ERBB4: variants seen among roughly 807,000 people sequenced by gnomAD.
The protein encoded by ERBB4 is erb-b2 receptor tyrosine kinase 4.
In ERBB4, 42 loss-of-function variants were observed where a neutral mutation model predicts 158.0. That is an observed-to-expected ratio of 0.27 (90% confidence interval 0.21 to 0.34). The LOEUF (loss-of-function observed/expected upper bound fraction) is 0.34, where lower values mean the gene tolerates loss of function less well. Ranked by LOEUF, ERBB4 falls within the 10% of genes least tolerant of loss-of-function variation. The probability of loss-of-function intolerance (pLI) is 1.00; values close to 1 mark genes in which losing one functional copy is unlikely to be tolerated. For missense variants in ERBB4, 1,333 were observed against 1,624.1 expected (o/e 0.82, Z 3.08); for synonymous variants, 583 against 558.7 (o/e 1.04, Z -0.61).
intron 1 of ERBB4, among the ~76,000 whole-genome samples, chr2:212,226,124 A>T (rs2083459637): frequency 6.6e-6 from 1 of 152,132 alleles, no homozygotes; most frequent in African/African-American, 2.4e-5. Flanking sequence ...TCATGTTGTC[A>T]ACTGTCTACG....
chr2:211,853,358 G>A (rs1278810099), intron 3 of ERBB4, among the ~76,000 whole-genome samples: 1 of 151,948 alleles, frequency 6.6e-6, no homozygotes, highest in Non-Finnish European at 1.5e-5. Flanking sequence ...AGGTCAAAAC[G>A]TTTATTCCAA....
Position 211,428,472 on chromosome 2 carries a change from T to C in ERBB4, c.2655A>G (p.Lys885=). The part of the protein sequence containing the change: ...YNADGGKMPI[K]WMALECIHYR... ...AATGTATACACTCCAGAGCCATCCA[T>C]TTAATTGGCATCTATAGAGAAGTAA... Residue 885 remains lysine (K), a synonymous_variant, in exon 22 of 28, where the codon AAA becomes AAG. Coordinates refer to ENST00000342788, the MANE Select transcript of ERBB4 (RefSeq NM_005235.3). 1 of 1,559,378 alleles carries C rather than the reference T, an allele frequency of 6.4e-7. No individual in the cohort carries two copies. Among genetic ancestry groups the C allele is most frequent in the African/African-American group, 1.4e-5 (1 of 73,950 alleles).
chr2:211,395,775 A>G (rs571459032), intron 25 of ERBB4, among the ~76,000 whole-genome samples: 5 of 152,186 alleles, frequency 3.3e-5, no homozygotes, highest in Non-Finnish European at 7.4e-5. Context: ...CTTCACAGAG[A>G]AGAGATATGT....
chr2:211,705,810 T>C (rs1243245948), intron 9 of ERBB4, among the ~76,000 whole-genome samples: 1 of 152,194 alleles, frequency 6.6e-6, no homozygotes, highest in Non-Finnish European at 1.5e-5. Context: ...ACATTGCTAT[T>C]AGTACCTGGA....
At position 211,546,372 on chromosome 2, in the gene ERBB4, ATTTTG is replaced by A. The variant is rs1324905015; in HGVS notation, c.2487+15526_2487+15530del. Among the ~76,000 whole-genome samples the A allele has an allele frequency of 1.3e-4, 20 of 152,208 alleles. No individual in the cohort carries two copies. The South Asian group carries it at 1.7e-3, about 13-fold the overall frequency. On this transcript the variant is annotated intron_variant, in intron 20 of 27. Coordinates refer to ENST00000342788, the MANE Select transcript of ERBB4 (RefSeq NM_005235.3). ...ACACATATACACACATATAGTATATATTTTGTTTTATCACATGATACTAATAAGAA... is the reference window on the plus strand; with the variant it reads ...ACACATATACACACATATAGTATATATTTTATCACATGATACTAATAAGAA...
intron 20 of ERBB4, among the ~76,000 whole-genome samples, chr2:211,475,199 T>C (rs1309342945): frequency 6.6e-6 from 1 of 152,122 alleles, no homozygotes; most frequent in African/African-American, 2.4e-5. Flanking sequence ...ATAAATGTTG[T>C]AGTTAATTTA....
intron 17 of ERBB4, among the ~76,000 whole-genome samples, chr2:211,625,579 T>A (rs988795791): frequency 6.6e-6 from 1 of 152,210 alleles, no homozygotes; most frequent in South Asian, 2.1e-4. Context: ...TTTGATAACA[T>A]AGAACTGCAT....
chr2:212,409,103 T>A (rs1399178796), intron 1 of ERBB4, among the ~76,000 whole-genome samples: 1 of 152,166 alleles, frequency 6.6e-6, no homozygotes, highest in Non-Finnish European at 1.5e-5. Context: ...AGGCAGAATT[T>A]TACTTCATTT....
At chr2:211,581,692 CT>C (rs2068109315) in intron 19 of ERBB4, among the ~76,000 whole-genome samples, 1 of 152,100 alleles carries the variant, frequency 6.6e-6, no homozygotes, top group African/African-American at 2.4e-5. Flanking sequence ...CACTTCACCC[CT>C]ATGGCCTCAT....
intron 16 of ERBB4, among the ~76,000 whole-genome samples, chr2:211,647,821 C>T (rs973795800): frequency 6.6e-6 from 1 of 151,664 alleles, no homozygotes; most frequent in African/African-American, 2.4e-5. Context: ...TACTTGCTTC[C>T]CAATCAGCAT....
chr2:212,501,828 T>C (rs1690908674), intron 1 of ERBB4, among the ~76,000 whole-genome samples: 2 of 152,074 alleles, frequency 1.3e-5, no homozygotes, highest in Admixed American at 1.3e-4. Context: ...AATAAATCAT[T>C]TTATCAATTA....
intron 7 of ERBB4, among the ~76,000 whole-genome samples, chr2:211,720,315 C>G (rs569668211): frequency 6.6e-6 from 1 of 152,298 alleles, no homozygotes; most frequent in African/African-American, 2.4e-5. Flanking sequence ...CAGGGGCTGT[C>G]TAATGAACTG....
chr2:212,024,521 T>G (rs1195665123), intron 2 of ERBB4, among the ~76,000 whole-genome samples: 2 of 151,954 alleles, frequency 1.3e-5, no homozygotes, highest in Non-Finnish European at 2.9e-5. Context: ...TCCTTAGATC[T>G]CCATACTTCT....
intron 1 of ERBB4, among the ~76,000 whole-genome samples, chr2:212,233,237 A>AGAGTTTC (rs2105988638): frequency 6.6e-6 from 1 of 152,330 alleles, no homozygotes; most frequent in Non-Finnish European, 1.5e-5. Context: ...TAGGGTTGAG[A>AGAGTTTC]GAGTTTCACT....
intron 1 of ERBB4, among the ~76,000 whole-genome samples, chr2:212,247,589 A>G (rs1485976458): frequency 1.3e-5 from 2 of 152,210 alleles, no homozygotes; most frequent in African/African-American, 4.8e-5. Context: ...ACATTCAAAA[A>G]TTTGCTTGTC....
intron 20 of ERBB4, among the ~76,000 whole-genome samples, chr2:211,468,679 G>C (rs1338301711): frequency 6.6e-6 from 1 of 152,092 alleles, no homozygotes; most frequent in African/African-American, 2.4e-5. Flanking sequence ...CACCGTGTTT[G>C]ATGTTTAAGA....
chr2:211,591,333 G>C (rs76405758), intron 19 of ERBB4, among the ~76,000 whole-genome samples: 3,199 of 152,226 alleles, frequency 0.021, 109 homozygotes, highest in African/African-American at 0.074. Flanking sequence ...ACACATGAGG[G>C]TCTTAATTTT....
chr2:212,322,329 T>C lies in ERBB4; in HGVS notation c.83-197426A>G, dbSNP rs150125804. Among the ~76,000 whole-genome samples the C allele has an allele frequency of 5.4e-3, 813 of 150,204 alleles. 11 individuals are homozygous for C. Among genetic ancestry groups the C allele is most frequent in the African/African-American group, 0.018 (723 of 41,314 alleles). ...TAAGAGCTCTTAAACAATGCTGCTGTGAAGATTGCCTATGACAACAGGAAA... is the reference window on the plus strand; with the variant it reads ...TAAGAGCTCTTAAACAATGCTGCTGCGAAGATTGCCTATGACAACAGGAAA... On this transcript the variant is annotated intron_variant, in intron 1 of 27. Coordinates refer to ENST00000342788, the MANE Select transcript of ERBB4 (RefSeq NM_005235.3).
chr2:211,931,536 T>A lies in ERBB4; in HGVS notation c.421+15894A>T, dbSNP rs142951772. ...TGTTCTAAGCAGAAAACTTGAGGAC[T>A]AAGAAAATGTGACTCACATTTTGCC... On this transcript the variant is annotated intron_variant, in intron 3 of 27. Transcript: ENST00000342788. Among the ~76,000 whole-genome samples, 187 of 152,028 alleles carry A rather than the reference T, an allele frequency of 1.2e-3. 1 individual carries two copies. Among genetic ancestry groups the A allele is most frequent in the Middle Eastern group, 0.01 (3 of 294 alleles).
Sources: gnomAD v4.1 joint callset for allele counts (sites outside exome capture counted in the v4.1 genomes callset) on GRCh38, gnomAD v4.1.1 for gene constraint, MANE v1.5 for transcripts, NCBI Gene and HGNC (gene_info 2026-07-23, HGNC 2026-07-21) for gene names.